The following SHISAL2B variants were observed in gnomAD, a reference collection of about 807,000 sequenced individuals.
The protein encoded by SHISAL2B is shisa like 2B, also known as protein shisa-like-2B.
In SHISAL2B, 12 loss-of-function variants were observed where a neutral mutation model predicts 16.5. That is an observed-to-expected ratio of 0.73 (90% CI 0.47 to 1.18). The LOEUF (loss-of-function observed/expected upper bound fraction) is 1.18, where lower values mean the gene tolerates loss of function less well. Among genes scored for constraint, SHISAL2B ranks in the 50% most tolerant of loss-of-function variants. The probability of loss-of-function intolerance (pLI) is 0.00; values close to 1 mark genes in which losing one functional copy is unlikely to be tolerated. For missense variants in SHISAL2B, 183 were observed against 193.6 expected (o/e 0.95, Z 0.33); for synonymous variants, 72 against 75.0 (o/e 0.96, Z 0.21).
intron 2 of SHISAL2B, among the ~76,000 whole-genome samples, chr5:64,714,811 T>C (rs949353576): frequency 3.9e-5 from 6 of 152,172 alleles, no homozygotes; most frequent in Non-Finnish European, 5.9e-5. Flanking sequence ...TTTCCAGGTG[T>C]GTCCGTCACC....
rs1161398776 is a variant in SHISAL2B, at chr5:64,718,091, C to T, written c.*69C>T. 12 of 1,337,460 alleles carry T rather than the reference C, an allele frequency of 9.0e-6. No homozygotes were observed. Among genetic ancestry groups the T allele is most frequent in the Admixed American group, 3.6e-5 (1 of 27,952 alleles). The allele number at this position is 1,337,460 out of a possible 1,614,324, so 82.8% of individuals were successfully genotyped here. Reference sequence around the variant, plus strand: ...ATAAAAATAAAGCGTGCACTTGAAACGGTTTGTAATATTGCTTTTCAAAAA... The same window carrying T: ...ATAAAAATAAAGCGTGCACTTGAAATGGTTTGTAATATTGCTTTTCAAAAA... On this transcript the variant is annotated 3_prime_UTR_variant, in exon 3 of 3. Coordinates refer to ENST00000389074, the MANE Select transcript of SHISAL2B (RefSeq NM_001164442.2).
chr5:64,695,366 A>T (rs1741717980), intron 1 of SHISAL2B, 141 bp from the exon 2 acceptor site: 1 of 534,748 alleles, frequency 1.9e-6, no homozygotes, highest in Non-Finnish European at 3.1e-6. Flanking sequence ...TGTAGATTTC[A>T]ATCAGTTCCT....
intron 1 of SHISAL2B, among the ~76,000 whole-genome samples, chr5:64,694,922 T>A (rs1456944354): frequency 6.6e-6 from 1 of 152,222 alleles, no homozygotes; most frequent in African/African-American, 2.4e-5. Context: ...TAGAGAATCA[T>A]GTGACCTTTA....
At chr5:64,715,496 C>T (rs1373926699) in intron 2 of SHISAL2B, among the ~76,000 whole-genome samples, 2 of 152,008 alleles carry the variant, frequency 1.3e-5, no homozygotes, top group Non-Finnish European at 2.9e-5. Context: ...CTGGAAGAGG[C>T]TTGGGGCAGA....
intron 2 of SHISAL2B, among the ~76,000 whole-genome samples, chr5:64,698,395 T>C (rs1741767276): frequency 6.6e-6 from 1 of 152,206 alleles, no homozygotes; most frequent in Non-Finnish European, 1.5e-5. Context: ...GTGGGGACTT[T>C]TGTGATCTGC....
At chr5:64,716,284 T>C (rs901793283) in intron 2 of SHISAL2B, among the ~76,000 whole-genome samples, 20 of 152,334 alleles carry the variant, frequency 1.3e-4, no homozygotes, top group African/African-American at 4.8e-4. Flanking sequence ...GCTAGTTGGT[T>C]TTCAATCTTG....
intron 2 of SHISAL2B, among the ~76,000 whole-genome samples, chr5:64,714,403 A>G (rs968387534): frequency 6.7e-6 from 1 of 148,370 alleles, no homozygotes; most frequent in African/African-American, 2.6e-5. Context: ...CTGTTCTCAG[A>G]TCTCCAGCTG....
At chr5:64,708,693 T>A (rs1392742263) in intron 2 of SHISAL2B, among the ~76,000 whole-genome samples, 2 of 152,196 alleles carry the variant, frequency 1.3e-5, no homozygotes, top group African/African-American at 4.8e-5. Flanking sequence ...TTTTATTTCT[T>A]AAATTTTTCA....
At chr5:64,716,302 C>T (rs1742049957) in intron 2 of SHISAL2B, among the ~76,000 whole-genome samples, 1 of 152,064 alleles carries the variant, frequency 6.6e-6, no homozygotes. Flanking sequence ...TTGTCTTTTG[C>T]TACTCAGTTT....
intron 2 of SHISAL2B, among the ~76,000 whole-genome samples, chr5:64,709,413 A>G (rs1258877340): frequency 6.8e-6 from 1 of 147,970 alleles, no homozygotes; most frequent in African/African-American, 2.5e-5. Flanking sequence ...TATATGTGCC[A>G]CATTTTCTTA....
At chr5:64,698,168 T>C (rs1741764678) in intron 2 of SHISAL2B, among the ~76,000 whole-genome samples, 1 of 152,218 alleles carries the variant, frequency 6.6e-6, no homozygotes, top group Admixed American at 6.5e-5. Flanking sequence ...TGCCTAAGAA[T>C]CATGTAGAGA....
chr5:64,697,796 C>A (rs568322932), intron 2 of SHISAL2B, among the ~76,000 whole-genome samples: 1 of 152,286 alleles, frequency 6.6e-6, no homozygotes, highest in African/African-American at 2.4e-5. Context: ...AGTCCCCACC[C>A]ATATGCTCTA....
In SHISAL2B at chr5:64,695,591, T is replaced by C. The variant is rs780659179; in HGVS notation, c.276T>C (p.Phe92=). The C allele has an allele frequency of 4.6e-6, 7 of 1,537,036 alleles. No individual in the cohort carries two copies. The South Asian group carries it at 8.3e-5, about 18-fold the overall frequency. Residue 92 remains phenylalanine, a synonymous_variant, in exon 2 of 3, where the codon TTT becomes TTC. Coordinates refer to ENST00000389074, the MANE Select transcript of SHISAL2B (RefSeq NM_001164442.2). ...VISVCVLCYL[F]LYTKPQRLDT... ...GTGTCTGTGTCCTTTGCTATTTATT[T>C]CTGTATACGAAACCTCAAAGATTAG...
intron 2 of SHISAL2B, among the ~76,000 whole-genome samples, chr5:64,709,755 T>C (rs575956695): frequency 1.0e-3 from 157 of 152,000 alleles, no homozygotes; most frequent in African/African-American, 3.6e-3. Flanking sequence ...TGGTATCTCA[T>C]AGTGGTTTTG....
intron 2 of SHISAL2B, among the ~76,000 whole-genome samples, chr5:64,713,889 A>G (rs1741996336): frequency 1.0e-5 from 1 of 97,528 alleles, no homozygotes; most frequent in Non-Finnish European, 1.9e-5. Context: ...TTTCAGCTCC[A>G]TCAGCTCCTT....
At position 64,695,429 on chromosome 5, in the gene SHISAL2B, A is replaced by G. The variant is rs1265193452; in HGVS notation, c.192-78A>G. 4.2e-5 allele frequency: 40 copies of G among 946,960 alleles called. 2 individuals carry two copies. In the East Asian group the frequency reaches 1.1e-3, roughly 25 times the overall value. 58.7% of individuals were successfully genotyped at this position (946,960 alleles called of 1,614,324 possible). On this transcript the variant is annotated intron_variant, in intron 1 of 2. Coordinates refer to ENST00000389074, the MANE Select transcript of SHISAL2B (RefSeq NM_001164442.2). ...GAATAACTGAAAACAAGAATTAACA[A>G]TATATTTATGCCTTCTCTTTAGTTG...
chr5:64,692,079 A>G (rs1741659452), intron 1 of SHISAL2B, among the ~76,000 whole-genome samples: 1 of 152,224 alleles, frequency 6.6e-6, no homozygotes, highest in Non-Finnish European at 1.5e-5. Context: ...CAGGGGCAAA[A>G]TGTCAGAAAA....
At chr5:64,717,482 A>G (rs1397459299) in intron 2 of SHISAL2B, among the ~76,000 whole-genome samples, 1 of 152,120 alleles carries the variant, frequency 6.6e-6, no homozygotes, top group Non-Finnish European at 1.5e-5. Context: ...CTTTTAATAA[A>G]CCACATCTAA....
rs1212506894 is a variant in SHISAL2B at position 64,690,587 on chromosome 5, C to A, written c.-37C>A. On this transcript the variant is annotated 5_prime_UTR_variant, in exon 1 of 3. Transcript: ENST00000389074. ...GGACGGGTGCGATCCGAGAGCAGAC[C>A]GGGGCCCTCGCGAGCCTCTCCCGGC... 15 of 1,437,124 alleles carry A rather than the reference C, an allele frequency of 1.0e-5. No homozygotes were observed. Among genetic ancestry groups the A allele is most frequent in the African/African-American group, 1.4e-5 (1 of 69,508 alleles). The allele number at this position is 1,437,124 out of a possible 1,614,324, so 89.0% of individuals were successfully genotyped here.
Sources: allele counts gnomAD v4.1 joint callset (sites outside exome capture counted in the v4.1 genomes callset), GRCh38; gene constraint gnomAD v4.1.1; transcripts MANE v1.5; gene names NCBI Gene and HGNC (gene_info 2026-07-23, HGNC 2026-07-21).